The following GRIK2 variants were observed in gnomAD, a reference collection of about 807,000 sequenced individuals.
GRIK2 encodes glutamate receptor ionotropic, kainate 2.
Under a neutral mutation model 100.3 loss-of-function variants are expected in GRIK2, and 32 were observed. The observed-to-expected ratio is 0.32, with a 90% CI of 0.24 to 0.43. The LOEUF is 0.43. Ranked by LOEUF, GRIK2 falls within the 20% of genes least tolerant of loss-of-function variation. The probability of loss-of-function intolerance (pLI) is 1.00; values close to 1 mark genes in which losing one functional copy is unlikely to be tolerated. For synonymous variants in GRIK2, 417 were observed against 389.4 expected, an observed-to-expected ratio of 1.07 and a Z score of -0.83; for missense variants, 843 against 1,114.9, an observed-to-expected ratio of 0.76 and a Z score of 3.47.
At chr6:101,606,813 C>T (rs2128311829) in intron 2 of GRIK2, among the ~76,000 whole-genome samples, 1 of 152,038 alleles carries the variant, frequency 6.6e-6, no homozygotes, top group South Asian at 2.1e-4. Flanking sequence ...CAAGCCTTTT[C>T]CTGCATTAGA....
rs1490329852 is a variant in GRIK2, at chr6:101,985,882, ATAT to A, written c.2086-49457_2086-49455del. Among the ~76,000 whole-genome samples, 3 of 151,812 alleles carry A rather than the reference ATAT, an allele frequency of 2.0e-5. 1 individual carries two copies. Among genetic ancestry groups the A allele is most frequent in the Admixed American group, 1.3e-4 (2 of 15,178 alleles). ...TCATGTCAAATTTTGTGTATATATA[ATAT>A]TTTCCCCTCATTACAAAATTATGCC... is the stretch of plus-strand genomic sequence containing the variant. On this transcript the variant is annotated intron_variant, in intron 14 of 16. Coordinates refer to ENST00000369134, the MANE Select transcript of GRIK2 (RefSeq NM_021956.5).
rs754066974 is a variant in GRIK2 at position 101,621,985 on chromosome 6, G to A, written c.152G>A (p.Gly51Glu). The A allele has an allele frequency of 1.2e-6, 2 of 1,610,452 alleles. No homozygotes were observed. Among genetic ancestry groups the A allele is most frequent in the Admixed American group, 3.3e-5 (2 of 59,958 alleles). ...GAATATGTGGAATCTGGCCCAATGG[G>A]AGCTGAGGAACTTGCATTCAGATTT... Reference protein sequence around the residue: ...IFEYVESGPMGAEELAFRFAV... With the variant: ...IFEYVESGPMEAEELAFRFAV... The change falls in exon 3 of 17, where the codon GGA (glycine) becomes GAA (glutamate). Residue 51 changes from glycine (G) to glutamate (E), a missense_variant. Coordinates refer to ENST00000369134, the MANE Select transcript of GRIK2 (RefSeq NM_021956.5).
intron 7 of GRIK2, among the ~76,000 whole-genome samples, chr6:101,693,104 C>G (rs1772224152): frequency 6.6e-6 from 1 of 152,052 alleles, no homozygotes; most frequent in African/African-American, 2.4e-5. Context: ...ATTGCCTTTT[C>G]TCATCCACAG....
chr6:101,574,911 A>G (rs1424462339), intron 2 of GRIK2, among the ~76,000 whole-genome samples: 3 of 151,808 alleles, frequency 2.0e-5, no homozygotes, highest in African/African-American at 7.2e-5. Context: ...GTTTATTGAA[A>G]ATGCTGTTCT....
chr6:101,952,148 G>A lies in GRIK2; in HGVS notation c.2085+23516G>A, dbSNP rs371865659. On this transcript the variant is annotated intron_variant, in intron 14 of 16. Coordinates refer to ENST00000369134, the MANE Select transcript of GRIK2 (RefSeq NM_021956.5). ...TCACTTCAAGAATGTTACATAAATG[G>A]AATCATCCTCTATGACGGAACCATC... 2.4e-4 allele frequency among the ~76,000 whole-genome samples: 37 copies of A among 152,252 alleles called. No homozygotes were observed. In the East Asian group the frequency reaches 7.1e-3, roughly 29 times the overall value.
At chr6:101,885,850 T>A (rs1038462287) in intron 11 of GRIK2, among the ~76,000 whole-genome samples, 1 of 152,106 alleles carries the variant, frequency 6.6e-6, no homozygotes, top group Non-Finnish European at 1.5e-5. Context: ...CATTTTCCCC[T>A]ATTATTAACA....
intron 7 of GRIK2, among the ~76,000 whole-genome samples, chr6:101,761,247 G>T (rs1234919169): frequency 6.6e-6 from 1 of 152,088 alleles, no homozygotes; most frequent in Non-Finnish European, 1.5e-5. Context: ...GTGAATTGCT[G>T]GGTGGCCTTT....
At chr6:101,592,624 T>TATATATATATATATATATA (rs71028078) in intron 2 of GRIK2, among the ~76,000 whole-genome samples, 197 of 133,326 alleles carry the variant, frequency 1.5e-3, no homozygotes, top group Middle Eastern at 3.9e-3. Flanking sequence ...TATATATATA[T>TATATATATATATATATATA]TGCTTTTTCA....
Position 101,831,253 on chromosome 6 carries a change from A to C in GRIK2, c.1317+12770A>C, listed in dbSNP as rs1025169328. Among the ~76,000 whole-genome samples, 8 of 152,162 alleles carry C rather than the reference A, an allele frequency of 5.3e-5. No homozygotes were observed. In the East Asian group the frequency reaches 5.8e-4, roughly 11 times the overall value. Reference sequence around the variant, plus strand: ...GGATTTTTTTTCCAGACAATAAAACATATATGAGCCCATGTGGAGATAATT... The same window carrying C: ...GGATTTTTTTTCCAGACAATAAAACCTATATGAGCCCATGTGGAGATAATT... On this transcript the variant is annotated intron_variant, in intron 10 of 16. Transcript: ENST00000369134.
At chr6:101,874,506 A>T (rs1239040665) in intron 11 of GRIK2, among the ~76,000 whole-genome samples, 1 of 152,108 alleles carries the variant, frequency 6.6e-6, no homozygotes, top group Non-Finnish European at 1.5e-5. Context: ...GTAGCCTTGT[A>T]ATATAGTTTG....
chr6:101,710,422 T>C (rs1309016086), intron 7 of GRIK2, among the ~76,000 whole-genome samples: 1 of 151,884 alleles, frequency 6.6e-6, no homozygotes, highest in Non-Finnish European at 1.5e-5. Context: ...AATGTGACCA[T>C]GTTTATGCAA....
At chr6:101,498,822 T>C (rs1400038889) in intron 2 of GRIK2, among the ~76,000 whole-genome samples, 1 of 152,212 alleles carries the variant, frequency 6.6e-6, no homozygotes, top group Admixed American at 6.5e-5. Context: ...GTAGGTTGCC[T>C]GTTCACTCTG....
intron 2 of GRIK2, among the ~76,000 whole-genome samples, chr6:101,455,982 T>G (rs1018498811): frequency 2.6e-5 from 4 of 151,956 alleles, no homozygotes; most frequent in Non-Finnish European, 4.4e-5. Flanking sequence ...AATTGAGAGG[T>G]AAAAACTCAA....
chr6:101,641,401 C>T (rs967094488), intron 4 of GRIK2, among the ~76,000 whole-genome samples: 1 of 151,898 alleles, frequency 6.6e-6, no homozygotes, highest in Non-Finnish European at 1.5e-5. Flanking sequence ...AATCTTAACA[C>T]TAACTTGTTA....
At chr6:102,045,926 A>T (rs1359132200) in intron 15 of GRIK2, among the ~76,000 whole-genome samples, 1 of 152,098 alleles carries the variant, frequency 6.6e-6, no homozygotes, top group African/African-American at 2.4e-5. Context: ...TGTATTTTTA[A>T]AAAGATCAAA....
intron 14 of GRIK2, among the ~76,000 whole-genome samples, chr6:101,998,308 A>T (rs1364786683): frequency 6.6e-6 from 1 of 152,146 alleles, no homozygotes; most frequent in Non-Finnish European, 1.5e-5. Flanking sequence ...AACAGCAGAT[A>T]AAGGAACATT....
chr6:101,499,920 T>C (rs913897909), intron 2 of GRIK2, among the ~76,000 whole-genome samples: 19 of 152,176 alleles, frequency 1.2e-4, no homozygotes, highest in East Asian at 5.8e-4. Context: ...TGAACTGATA[T>C]TTTAAGCAGC....
chr6:101,877,455 G>A (rs1025653221), intron 11 of GRIK2, among the ~76,000 whole-genome samples: 1 of 151,896 alleles, frequency 6.6e-6, no homozygotes, highest in African/African-American at 2.4e-5. Context: ...ACAGGAGGAT[G>A]TGCATAGGTT....
chr6:102,035,174 A>C (rs986698339), intron 14 of GRIK2, among the ~76,000 whole-genome samples, 167 bp from the exon 15 acceptor site: 2 of 140,516 alleles, frequency 1.4e-5, no homozygotes, highest in Admixed American at 7.4e-5. Flanking sequence ...CAGTCATTAT[A>C]CAGATTCAGA....
Sources: allele counts gnomAD v4.1 joint callset (sites outside exome capture counted in the v4.1 genomes callset), GRCh38; gene constraint gnomAD v4.1.1; transcripts MANE v1.5; gene names NCBI Gene and HGNC (gene_info 2026-07-23, HGNC 2026-07-21).